The following UNC5C variants were observed in gnomAD, a reference collection of about 807,000 sequenced individuals.
UNC5C encodes the protein unc-5 netrin receptor C.
A neutral mutation model predicts 99.8 loss-of-function variants in UNC5C; 47 were observed. That is an observed-to-expected ratio of 0.47 (90% CI 0.37 to 0.60). The LOEUF is 0.60. UNC5C is among the 20% of genes least tolerant of loss of function. The pLI is 0.00. For missense variants in UNC5C, 1,062 were observed against 1,165.9 expected (o/e 0.91, Z 1.30); for synonymous variants, 487 against 452.2 (o/e 1.08, Z -0.98).
chr4:95,242,378 GGTTCAA>G, intron 7 of UNC5C, 45 bp downstream of exon 7: 1 of 1,600,586 alleles, frequency 6.2e-7, no homozygotes, highest in Non-Finnish European at 8.5e-7. Flanking sequence ...AACTCCAAAT[GGTTCAA>G]TCTCCAGCCC....
intron 1 of UNC5C, among the ~76,000 whole-genome samples, chr4:95,422,683 G>T (rs940483628): frequency 6.6e-6 from 1 of 152,196 alleles, no homozygotes; most frequent in African/African-American, 2.4e-5. Context: ...CAAAGATAAA[G>T]TCCTTGTATC....
At chr4:95,452,190 GA>G (rs1191116280) in intron 1 of UNC5C, among the ~76,000 whole-genome samples, 1 of 152,022 alleles carries the variant, frequency 6.6e-6, no homozygotes, top group African/African-American at 2.4e-5. Flanking sequence ...TCGTTAACAA[GA>G]AATGAATATG....
intron 1 of UNC5C, among the ~76,000 whole-genome samples, chr4:95,434,575 T>G (rs1476342628): frequency 1.3e-5 from 2 of 152,044 alleles, no homozygotes; most frequent in Non-Finnish European, 2.9e-5. Context: ...ACCTTCTCTC[T>G]CATGTGTGAA....
chr4:95,474,592 G>A (rs958697734), intron 1 of UNC5C, among the ~76,000 whole-genome samples: 5 of 151,886 alleles, frequency 3.3e-5, no homozygotes, highest in Non-Finnish European at 7.4e-5. Flanking sequence ...CTCGCCTATG[G>A]TACATATAAT....
intron 12 of UNC5C, among the ~76,000 whole-genome samples, chr4:95,196,453 G>T (rs73839931): frequency 0.057 from 8,621 of 151,922 alleles, 717 homozygotes; most frequent in African/African-American, 0.18. Context: ...CCTCCTGAAA[G>T]GTATAAAATA....
intron 1 of UNC5C, among the ~76,000 whole-genome samples, chr4:95,385,641 T>A (rs1471883834): frequency 6.6e-6 from 1 of 152,196 alleles, no homozygotes; most frequent in Non-Finnish European, 1.5e-5. Context: ...AAAATTACTA[T>A]GTTTACTGAT....
At chr4:95,420,916 A>G (rs967892334) in intron 1 of UNC5C, among the ~76,000 whole-genome samples, 1 of 152,236 alleles carries the variant, frequency 6.6e-6, no homozygotes, top group Non-Finnish European at 1.5e-5. Flanking sequence ...ACTTAAGATT[A>G]TGAAGCCTAA....
chr4:95,424,452 T>C (rs1244840766), intron 1 of UNC5C, among the ~76,000 whole-genome samples: 1 of 150,928 alleles, frequency 6.6e-6, no homozygotes, highest in Non-Finnish European at 1.5e-5. Flanking sequence ...ACATTGTAAG[T>C]ACGGTTAAGT....
chr4:95,464,846 C>A (rs144000955), intron 1 of UNC5C, among the ~76,000 whole-genome samples: 95 of 152,216 alleles, frequency 6.2e-4, no homozygotes, highest in Non-Finnish European at 1.2e-3. Flanking sequence ...TAATTCTTTC[C>A]CATTTTCAGA....
chr4:95,537,530 T>C lies in UNC5C; in HGVS notation c.124+11204A>G, dbSNP rs79275006. On this transcript the variant is annotated intron_variant, in intron 1 of 15. Coordinates refer to ENST00000453304, the MANE Select transcript of UNC5C (RefSeq NM_003728.4). ...TTGCAGAACACTGTCCTAGAGAATA[T>C]GTTAGGACGACTTACTAATGAACTT... is the stretch of plus-strand genomic sequence containing the variant. Among the ~76,000 whole-genome samples the C allele has an allele frequency of 3.2e-3, 482 of 152,318 alleles. 3 individuals carry two copies. Among genetic ancestry groups the C allele is most frequent in the African/African-American group, 0.011 (445 of 41,576 alleles).
intron 1 of UNC5C, among the ~76,000 whole-genome samples, chr4:95,476,287 G>A (rs567476700): frequency 4.0e-5 from 6 of 151,792 alleles, no homozygotes; most frequent in Admixed American, 6.6e-5. Flanking sequence ...TTAGCTTCTC[G>A]GTAAATATTT....
intron 1 of UNC5C, among the ~76,000 whole-genome samples, chr4:95,366,314 T>C (rs1472119104): frequency 6.6e-6 from 1 of 152,080 alleles, no homozygotes; most frequent in Non-Finnish European, 1.5e-5. Flanking sequence ...TAAAATAAAG[T>C]AAATAAAATA....
At chr4:95,472,906 TA>T (rs11374828) in intron 1 of UNC5C, among the ~76,000 whole-genome samples, 263 of 147,282 alleles carry the variant, frequency 1.8e-3, no homozygotes, top group African/African-American at 3.1e-3. Flanking sequence ...TTGTAAAATC[TA>T]AAAAAAAAAA....
chr4:95,457,948 C>T (rs745532326), intron 1 of UNC5C, among the ~76,000 whole-genome samples: 1 of 152,094 alleles, frequency 6.6e-6, no homozygotes, highest in Non-Finnish European at 1.5e-5. Context: ...CTAACCCATT[C>T]TGTTCTATAG....
At chr4:95,244,251 G>T (rs1739422758) in intron 6 of UNC5C, among the ~76,000 whole-genome samples, 1 of 152,124 alleles carries the variant, frequency 6.6e-6, no homozygotes, top group Non-Finnish European at 1.5e-5. Flanking sequence ...GGAATATATT[G>T]TATAACGAGG....
At chr4:95,421,619 T>TACACACACAC (rs3069166) in intron 1 of UNC5C, among the ~76,000 whole-genome samples, 4,273 of 149,606 alleles carry the variant, frequency 0.029, 87 homozygotes, top group African/African-American at 0.04. Context: ...CACTCTCTTT[T>TACACACACAC]ACACACACAC....
intron 1 of UNC5C, among the ~76,000 whole-genome samples, chr4:95,492,473 C>G (rs1227963946): frequency 2.0e-5 from 3 of 151,302 alleles, no homozygotes; most frequent in Non-Finnish European, 4.4e-5. Flanking sequence ...GAATTATTAT[C>G]TGTCCTTTGT....
At chr4:95,310,337 G>C (rs80083171) in intron 2 of UNC5C, among the ~76,000 whole-genome samples, 2,895 of 152,182 alleles carry the variant, frequency 0.019, 71 homozygotes, top group African/African-American at 0.066. Flanking sequence ...TTAAATTTCA[G>C]TTAGACAGGG....
chr4:95,492,844 T>C (rs947667858), intron 1 of UNC5C, among the ~76,000 whole-genome samples: 3 of 151,512 alleles, frequency 2.0e-5, no homozygotes, highest in Non-Finnish European at 4.4e-5. Context: ...TTATTTGATG[T>C]CATTTTCACC....
Sources: allele counts gnomAD v4.1 joint callset (sites outside exome capture counted in the v4.1 genomes callset), GRCh38; gene constraint gnomAD v4.1.1; transcripts MANE v1.5; gene names NCBI Gene and HGNC (gene_info 2026-07-23, HGNC 2026-07-21).